Variants in PDE8B observed in about 807,000 individuals in gnomAD.
PDE8B encodes the protein phosphodiesterase 8B, also known as high affinity cAMP-specific and IBMX-insensitive 3',5'-cyclic phosphodiesterase 8B.
In PDE8B, 26 loss-of-function variants were observed where a neutral mutation model predicts 101.3. The observed-to-expected ratio is 0.26, with a 90% CI of 0.19 to 0.36. The LOEUF is 0.36. PDE8B is among the 10% of genes least tolerant of loss of function. PDE8B has a pLI of 1.00. For missense variants in PDE8B, 810 were observed against 1,163.1 expected (o/e 0.70, Z 4.42); for synonymous variants, 424 against 429.3 (o/e 0.99, Z 0.15).
At chr5:77,098,180 A>G in the PDE8B span, among the ~76,000 whole-genome samples, 1 of 152,000 alleles carries the variant, frequency 6.6e-6, no homozygotes, top group Non-Finnish European at 1.5e-5. Flanking sequence ...TCTTTCAAAT[A>G]ATGTCTTCAT....
Position 77,427,638 on chromosome 5 carries a change from TGGGGAG to T in PDE8B, c.*1086_*1091del, listed in dbSNP as rs1798383377. On this transcript the variant is annotated 3_prime_UTR_variant, in exon 22 of 22. Coordinates refer to ENST00000264917, the MANE Select transcript of PDE8B (RefSeq NM_003719.5). Reference sequence around the variant, plus strand: ...GTAAATATATCAGAAAATAGGCATATGGGGAGGCAGTAAATACTATTTTAAGCTATT... The same window carrying T: ...GTAAATATATCAGAAAATAGGCATATGCAGTAAATACTATTTTAAGCTATT... The T allele has an allele frequency of 2.6e-5, 4 of 152,160 alleles. No homozygotes were observed. The highest frequency in any genetic ancestry group is 4.4e-5 in the Non-Finnish European group (3 of 68,036). The allele number at this position is 152,160 out of a possible 1,614,324, so 9.4% of individuals were successfully genotyped here. A position where few individuals can be genotyped will look rare whatever the true frequency, so the allele number is the denominator to read the frequency against.
At chr5:77,163,529 G>A in the PDE8B span, among the ~76,000 whole-genome samples, 386 of 152,206 alleles carry the variant, frequency 2.5e-3, 1 homozygote, top group African/African-American at 8.6e-3. Context: ...TTCATTTCCC[G>A]TCAAATAACC....
chr5:77,348,733 A>G (rs1247243528), intron 7 of PDE8B, among the ~76,000 whole-genome samples: 2 of 152,150 alleles, frequency 1.3e-5, no homozygotes, highest in African/African-American at 4.8e-5. Context: ...CCTGGGCTGG[A>G]GTGCAACGGT....
chr5:77,324,310 A>G (rs1040347243), intron 2 of PDE8B, among the ~76,000 whole-genome samples: 88 of 152,058 alleles, frequency 5.8e-4, no homozygotes, highest in Non-Finnish European at 8.8e-5. Flanking sequence ...TTTCTCAGAT[A>G]TTTGCTGAAC....
rs1041454800 is a variant in PDE8B, at chr5:77,302,555, A to T, written c.340-9439A>T. Among the ~76,000 whole-genome samples, 14 of 152,282 alleles carry T rather than the reference A, an allele frequency of 9.2e-5. 1 individual carries two copies. Among genetic ancestry groups the T allele is most frequent in the African/African-American group, 3.1e-4 (13 of 41,566 alleles). On this transcript the variant is annotated intron_variant, in intron 1 of 21. Transcript: ENST00000264917. ...AAACGTTGTGCACACCGACTTCCCT[A>T]CCTGCTTCCTCTTTCCATGCTCATT...
intron 7 of PDE8B, among the ~76,000 whole-genome samples, chr5:77,347,368 A>G (rs533502711): frequency 1.3e-5 from 2 of 152,336 alleles, no homozygotes; most frequent in Admixed American, 6.5e-5. Context: ...TCCAGAATCC[A>G]TATCTGGGAG....
chr5:77,354,421 C>G (rs1158327028), intron 10 of PDE8B, among the ~76,000 whole-genome samples: 1 of 152,148 alleles, frequency 6.6e-6, no homozygotes, highest in Non-Finnish European at 1.5e-5. Context: ...TGAAGTCATG[C>G]AAGAGGCAAG....
intron 5 of PDE8B, among the ~76,000 whole-genome samples, chr5:77,333,862 C>T (rs1777600849): frequency 6.6e-6 from 1 of 152,234 alleles, no homozygotes; most frequent in African/African-American, 2.4e-5. Context: ...TGCAGTCAGC[C>T]TCAGTGAATA....
chr5:77,206,826 C>T (rs527811603), upstream of PDE8B, among the ~76,000 whole-genome samples: 6 of 152,228 alleles, frequency 3.9e-5, no homozygotes, highest in East Asian at 3.9e-4. Context: ...CTGTTGTGCA[C>T]GTGGATTCAG....
At chr5:77,295,848 C>T (rs2149990319) in intron 1 of PDE8B, among the ~76,000 whole-genome samples, 1 of 152,346 alleles carries the variant, frequency 6.6e-6, no homozygotes, top group Non-Finnish European at 1.5e-5. Flanking sequence ...CATTTCTCCA[C>T]TCTGCTTTCC....
chr5:77,136,242 T>C, the PDE8B span, among the ~76,000 whole-genome samples: 4 of 152,224 alleles, frequency 2.6e-5, no homozygotes, highest in Non-Finnish European at 5.9e-5. Flanking sequence ...AGTGTTTATT[T>C]ATTCCCTACC....
At chr5:77,410,085 TC>T (rs1794243401) in intron 14 of PDE8B, among the ~76,000 whole-genome samples, 2 of 152,216 alleles carry the variant, frequency 1.3e-5, no homozygotes, top group Non-Finnish European at 2.9e-5. Context: ...GACAGGCAAG[TC>T]CCCAAACTGG....
intron 6 of PDE8B, among the ~76,000 whole-genome samples, chr5:77,339,238 G>A (rs1179117644): frequency 2.0e-5 from 3 of 152,124 alleles, no homozygotes; most frequent in Non-Finnish European, 2.9e-5. Context: ...TGGGGGCATT[G>A]GACCCGTTGT....
chr5:77,325,453 G>A (rs571125599), intron 2 of PDE8B, 86 bp from the exon 3 acceptor site: 18 of 1,202,870 alleles, frequency 1.5e-5, no homozygotes, highest in Non-Finnish European at 2.0e-5. Flanking sequence ...ACAGGCATGA[G>A]CCACTGCGCC....
At chr5:77,238,259 T>C (rs1365141407) in intron 1 of PDE8B, among the ~76,000 whole-genome samples, 2 of 152,190 alleles carry the variant, frequency 1.3e-5, no homozygotes, top group African/African-American at 4.8e-5. Flanking sequence ...TCTGTTTTTT[T>C]AGTTCAGTCT....
At chr5:77,262,418 A>T (rs915664021) in intron 1 of PDE8B, among the ~76,000 whole-genome samples, 2 of 152,248 alleles carry the variant, frequency 1.3e-5, no homozygotes, top group African/African-American at 4.8e-5. Flanking sequence ...AGGAAAACAA[A>T]TGTCCCTCTC....
At chr5:77,300,360 T>A (rs1234953987) in intron 1 of PDE8B, among the ~76,000 whole-genome samples, 1 of 152,228 alleles carries the variant, frequency 6.6e-6, no homozygotes, top group Non-Finnish European at 1.5e-5. Flanking sequence ...AGGACTTACT[T>A]AACCCTTTGC....
At chr5:77,360,447 T>G (rs1164682200) in intron 10 of PDE8B, among the ~76,000 whole-genome samples, 1 of 152,250 alleles carries the variant, frequency 6.6e-6, no homozygotes, top group Non-Finnish European at 1.5e-5. Context: ...GTGTTAGCAC[T>G]CTATGGAAAA....
chr5:77,310,919 GA>G (rs1422359370), intron 1 of PDE8B, among the ~76,000 whole-genome samples: 3 of 152,194 alleles, frequency 2.0e-5, no homozygotes, highest in Non-Finnish European at 4.4e-5. Flanking sequence ...GAAGAAAGGA[GA>G]AAGGGAAATT....
Sources: gnomAD v4.1 joint callset for allele counts (sites outside exome capture counted in the v4.1 genomes callset) on GRCh38, gnomAD v4.1.1 for gene constraint, MANE v1.5 for transcripts, NCBI Gene and HGNC (gene_info 2026-07-23, HGNC 2026-07-21) for gene names.